BOC: variants seen among roughly 807,000 people sequenced by gnomAD.
BOC encodes the protein brother of CDO.
A neutral mutation model predicts 112.0 loss-of-function variants in BOC; 76 were observed. That is an observed-to-expected ratio of 0.68 (90% CI 0.56 to 0.82). The LOEUF (loss-of-function observed/expected upper bound fraction) is 0.82, where lower values mean the gene tolerates loss of function less well. BOC is among the 40% of genes least tolerant of loss of function. BOC has a pLI of 0.00. For synonymous variants in BOC, 580 were observed against 599.8 expected (o/e 0.97, Z 0.48); for missense variants, 1,309 against 1,511.7 (o/e 0.87, Z 2.22).
chr3:113,276,563 C>T (rs1304689120), intron 9 of BOC, among the ~76,000 whole-genome samples: 1 of 152,214 alleles, frequency 6.6e-6, no homozygotes, highest in Non-Finnish European at 1.5e-5. Context: ...TTAAAGATCA[C>T]CCGAGAAAGA....
At position 113,249,551 on chromosome 3, in the gene BOC, A is replaced by G. The variant is rs141096821; in HGVS notation, c.-81-171A>G. Among the ~76,000 whole-genome samples the G allele has an allele frequency of 9.2e-5, 14 of 152,340 alleles. No homozygotes were observed. The South Asian group carries it at 1.0e-3, about 11-fold the overall frequency. On this transcript the variant is annotated intron_variant, in intron 2 of 19. Transcript: ENST00000682979. ...GGGCAACTTATAAGAAGCTTCTTTTAGATGAGAAATGGCACTATAGTGTTC... is the reference window on the plus strand; with the variant it reads ...GGGCAACTTATAAGAAGCTTCTTTTGGATGAGAAATGGCACTATAGTGTTC...
intron 2 of BOC, among the ~76,000 whole-genome samples, chr3:113,236,266 G>GTATATATA (rs1553726813): frequency 3.8e-5 from 2 of 52,590 alleles, no homozygotes; most frequent in Non-Finnish European, 9.7e-5. Flanking sequence ...GTGTGTGTGT[G>GTATATATA]TATATATACC....
chr3:113,283,727 C>A, intron 16 of BOC, 95 bp downstream of exon 16: 2 of 1,218,338 alleles, frequency 1.6e-6, no homozygotes, highest in Middle Eastern at 2.0e-4. Context: ...ATGGAAAGCT[C>A]AAGCCCAAGT....
intron 4 of BOC, among the ~76,000 whole-genome samples, chr3:113,261,310 T>G (rs1946848503): frequency 1.3e-5 from 2 of 152,262 alleles, no homozygotes; most frequent in Non-Finnish European, 2.9e-5. Flanking sequence ...TTCCCACTGC[T>G]AAGTTTATAG....
Position 113,270,790 on chromosome 3 carries a change from C to T in BOC, c.524-11C>T, listed in dbSNP as rs1415276562. On this transcript the variant is annotated splice_polypyrimidine_tract_variant and intron_variant, in intron 5 of 19. Coordinates refer to ENST00000682979, the MANE Select transcript of BOC (RefSeq NM_001378074.1). ...CCATCCCATCTTCCCCTGGCCCTGC[C>T]CTTTCCACAGGTAACTACCTGATCA... 1.2e-6 allele frequency: 2 copies of T among 1,603,166 alleles called. No individual in the cohort carries two copies. The highest frequency in any genetic ancestry group is 1.7e-6 in the Non-Finnish European group (2 of 1,174,362).
intron 9 of BOC, 141 bp from the exon 10 acceptor site, chr3:113,277,954 G>A (rs77783422): frequency 0.037 from 40,005 of 1,091,518 alleles, 953 homozygotes; most frequent in Non-Finnish European, 0.044. Context: ...GTCCGAGGCT[G>A]TGCCACCCTA....
intron 9 of BOC, among the ~76,000 whole-genome samples, chr3:113,277,752 G>A (rs1011641721): frequency 1.3e-5 from 2 of 152,224 alleles, no homozygotes; most frequent in African/African-American, 4.8e-5. Context: ...CATACAGAAG[G>A]AGAAAGAAAA....
At chr3:113,264,099 TATC>T (rs1947191076) in intron 4 of BOC, among the ~76,000 whole-genome samples, 1 of 152,172 alleles carries the variant, frequency 6.6e-6, no homozygotes, top group Admixed American at 6.5e-5. Context: ...GAGCCTAAAA[TATC>T]ATGGGCTTTC....
chr3:113,241,877 AG>A (rs1169451193), intron 2 of BOC, among the ~76,000 whole-genome samples: 5 of 151,968 alleles, frequency 3.3e-5, no homozygotes, highest in African/African-American at 1.2e-4. Flanking sequence ...TAAAGCAAGG[AG>A]GGGGGTGCCA....
chr3:113,253,350 G>A (rs1247716913), intron 4 of BOC, among the ~76,000 whole-genome samples: 1 of 152,004 alleles, frequency 6.6e-6, no homozygotes, highest in Non-Finnish European at 1.5e-5. Flanking sequence ...AGCACTTTGG[G>A]AGTCTGAAGC....
intron 2 of BOC, among the ~76,000 whole-genome samples, chr3:113,242,204 T>C (rs150516447): frequency 1.3e-5 from 2 of 151,950 alleles, no homozygotes; most frequent in East Asian, 3.9e-4. Context: ...TCAAATTGAA[T>C]TTATATGAAA....
chr3:113,222,422 T>A (rs748690855), intron 2 of BOC, among the ~76,000 whole-genome samples: 1 of 152,098 alleles, frequency 6.6e-6, no homozygotes, highest in Non-Finnish European at 1.5e-5. Context: ...TATATGTATA[T>A]GGGGGGAAAA....
At chr3:113,235,114 T>C (rs1022992138) in intron 2 of BOC, among the ~76,000 whole-genome samples, 4 of 152,374 alleles carry the variant, frequency 2.6e-5, no homozygotes, top group Non-Finnish European at 5.9e-5. Context: ...GTTCAGGTCC[T>C]GGGACTGTTT....
In BOC at chr3:113,279,844, G is replaced by C; in HGVS notation, c.2044G>C (p.Val682Leu). 6.2e-7 allele frequency: 1 copy of C among 1,610,178 alleles called. No homozygotes were observed. The highest frequency in any genetic ancestry group is 8.5e-7 in the Non-Finnish European group (1 of 1,177,856). Residue 682 changes from valine to leucine, a missense_variant, in exon 13 of 20, where the codon GTC becomes CTC. By Grantham distance (32) the Val-to-Leu change is conservative (BLOSUM62 1). Transcript: ENST00000682979. ...LEKGTSYKFR[V>L]RALNMLGESE... is the part of the protein sequence containing the mutation. ...ACCAGGCACCTCCTACAAGTTTCGA[G>C]TCCGGGCTCTGAACATGCTGGGGGA...
intron 2 of BOC, among the ~76,000 whole-genome samples, chr3:113,243,994 T>C (rs1358604941): frequency 1.3e-5 from 2 of 152,242 alleles, no homozygotes; most frequent in Non-Finnish European, 2.9e-5. Context: ...TTCTGAACCA[T>C]GTGACATATG....
intron 1 of BOC, among the ~76,000 whole-genome samples, chr3:113,214,696 C>T (rs774369814): frequency 1.3e-5 from 2 of 152,092 alleles, no homozygotes; most frequent in African/African-American, 2.4e-5. Flanking sequence ...AGAAAAGAAT[C>T]GAAATTTGAG....
rs773224895 is a variant in BOC at position 113,281,160 on chromosome 3, C to G, written c.2434+7C>G. The stretch of plus-strand genomic sequence containing the variant: ...ATGATCTGTGAGACCAAAGGTGAAG[C>G]TCTTTGGGTTCTCTCTCCTGTCTTG... On this transcript the variant is annotated splice_region_variant and intron_variant, in intron 15 of 19. Transcript: ENST00000682979. The G allele has an allele frequency of 1.2e-6, 2 of 1,613,788 alleles. No individual in the cohort carries two copies. Among genetic ancestry groups the G allele is most frequent in the African/African-American group, 1.3e-5 (1 of 74,914 alleles).
At chr3:113,230,721 C>G (rs2107700152) in intron 2 of BOC, among the ~76,000 whole-genome samples, 1 of 152,284 alleles carries the variant, frequency 6.6e-6, no homozygotes. Context: ...CATGTTGCAA[C>G]AAAATCTAGT....
intron 2 of BOC, among the ~76,000 whole-genome samples, chr3:113,239,396 G>C (rs529503311): frequency 1.3e-5 from 2 of 152,202 alleles, no homozygotes; most frequent in Admixed American, 1.3e-4. Context: ...AAATCTTTTC[G>C]TGGCTTTAGG....
Sources: allele counts gnomAD v4.1 joint callset (sites outside exome capture counted in the v4.1 genomes callset), GRCh38; gene constraint gnomAD v4.1.1; transcripts MANE v1.5; gene names NCBI Gene and HGNC (gene_info 2026-07-23, HGNC 2026-07-21).